AKR1C1: variants seen among roughly 807,000 people sequenced by gnomAD.
AKR1C1 encodes aldo-keto reductase family 1 member C1.
In AKR1C1, 32 loss-of-function variants were observed where a neutral mutation model predicts 40.6. The ratio of observed to expected loss-of-function variants is 0.79; its 90% CI spans 0.60 to 1.06. The LOEUF is 1.06. Among genes scored for constraint, AKR1C1 ranks in the 50% least tolerant of loss-of-function variants. The probability of loss-of-function intolerance (pLI) is 0.00; values close to 1 mark genes in which losing one functional copy is unlikely to be tolerated. For synonymous variants in AKR1C1, 105 were observed against 134.2 expected (o/e 0.78, Z 1.50); for missense variants, 320 against 363.5 (o/e 0.88, Z 0.97).
rs782181146 is a variant in AKR1C1 at position 4,972,590 on chromosome 10, C to T, written c.687C>T (p.Asp229=). Residue 229 remains aspartate (D), a synonymous_variant, in exon 7 of 9, where the codon GAC becomes GAT. Transcript: ENST00000380872. ...TTTCTGCCTTTCCTTCCAGGGTGGA[C>T]CCGAACTCCCCGGTGCTCTTGGAGG... ...LGSHREEPWV[D]PNSPVLLEDP... The T allele has an allele frequency of 4.3e-6, 7 of 1,613,792 alleles. No homozygotes were observed. Among genetic ancestry groups the T allele is most frequent in the Non-Finnish European group, 4.2e-6 (5 of 1,179,948 alleles).
chr10:4,982,869 C>T lies in AKR1C1; in HGVS notation c.*5127C>T, dbSNP rs1836641508. 1 of 422,778 alleles carries T rather than the reference C, an allele frequency of 2.4e-6. No individual in the cohort carries two copies. The highest frequency in any genetic ancestry group is 4.7e-6 in the Non-Finnish European group (1 of 210,896). The allele number at this position is 422,778 out of a possible 1,614,324, so 26.2% of individuals were successfully genotyped here. On this transcript the variant is annotated 3_prime_UTR_variant, in exon 9 of 9. Transcript: ENST00000380872. ...GCCTGCATGAGCTCAGCTGTTACCA[C>T]TGCGTACCACACCCTGACCAGTCAG... is the stretch of plus-strand genomic sequence containing the variant.
At position 4,969,662 on chromosome 10, in the gene AKR1C1, G is replaced by GT; in HGVS notation, c.570+720dup. 4 of 1,609,738 alleles carry GT rather than the reference G, an allele frequency of 2.5e-6. No homozygotes were observed. In the South Asian group the frequency reaches 4.4e-5, roughly 18 times the overall value. ...GCTTAAACACATCTATTCTCTATGT[G>GT]TTCCTTTTGTAGCCTAGAGATAATT... is the stretch of plus-strand genomic sequence containing the variant. On this transcript the variant is annotated intron_variant, in intron 5 of 8. Transcript: ENST00000380872.
At chr10:4,969,820 T>C (rs1221142517) in intron 5 of AKR1C1, 1 of 1,439,092 alleles carries the variant, frequency 6.9e-7, no homozygotes, top group East Asian at 2.5e-5. Flanking sequence ...TTGTTTTATT[T>C]TATGTTTTAA....
Position 4,968,159 on chromosome 10 carries a change from T to C in AKR1C1, c.370-150T>C. ...TCACCTGAAGACATTCCTTATACCTTCATATGTAGTACACTCTGTACATAC... is the reference window on the plus strand; with the variant it reads ...TCACCTGAAGACATTCCTTATACCTCCATATGTAGTACACTCTGTACATAC... On this transcript the variant is annotated intron_variant, in intron 3 of 8. Coordinates refer to ENST00000380872, the MANE Select transcript of AKR1C1 (RefSeq NM_001353.6). 2 of 1,125,148 alleles carry C rather than the reference T, an allele frequency of 1.8e-6. 1 individual carries two copies. Among genetic ancestry groups the C allele is most frequent in the Non-Finnish European group, 2.5e-6 (2 of 789,718 alleles). The allele number at this position is 1,125,148 out of a possible 1,614,324, so 69.7% of individuals were successfully genotyped here. A position where few individuals can be genotyped will look rare whatever the true frequency, so the allele number is the denominator to read the frequency against.
chr10:4,968,542 A>G (rs1564315746), intron 4 of AKR1C1, among the ~76,000 whole-genome samples, 156 bp downstream of exon 4: 1 of 152,154 alleles, frequency 6.6e-6, no homozygotes, highest in Non-Finnish European at 1.5e-5. Context: ...AAAAGAAATG[A>G]CAGGCATACA....
chr10:4,976,847 G>A (rs2131649314), intron 8 of AKR1C1, among the ~76,000 whole-genome samples: 1 of 152,250 alleles, frequency 6.6e-6, no homozygotes, highest in East Asian at 1.9e-4. Flanking sequence ...GATATTATTA[G>A]TAGTATTTTA....
intron 1 of AKR1C1, 96 bp from the exon 2 acceptor site, chr10:4,965,817 AG>A: frequency 7.0e-7 from 1 of 1,420,656 alleles, no homozygotes; most frequent in East Asian, 2.3e-5. Context: ...CATCCAAGAA[AG>A]GAGGAAAAGC....
chr10:4,981,583 G>GA lies in AKR1C1; in HGVS notation c.*3847dup, dbSNP rs1836616292. ...CAATGCAGAGACTTAACAGATATAT[G>GA]AAAAAATTTCACATACACTCTGAAG... On this transcript the variant is annotated 3_prime_UTR_variant, in exon 9 of 9. Transcript: ENST00000380872. 10 of 150,132 alleles carry GA rather than the reference G, an allele frequency of 6.7e-5. No individual in the cohort carries two copies. In the South Asian group the frequency reaches 2.1e-3, roughly 31 times the overall value. The allele number at this position is 150,132 out of a possible 1,614,324, so 9.3% of individuals were successfully genotyped here.
In AKR1C1 at chr10:4,983,172, G is replaced by C. The variant is rs1212366103; in HGVS notation, c.*5430G>C. ...TGAAGCAGAGCTGCCTCACTGCCCT[G>C]CACACACATGAGAGCGCAGCCAGGA... On this transcript the variant is annotated 3_prime_UTR_variant, in exon 9 of 9. Transcript: ENST00000380872. 4.6e-6 allele frequency: 1 copy of C among 215,752 alleles called. No individual in the cohort carries two copies. Among genetic ancestry groups the C allele is most frequent in the East Asian group, 1.5e-4 (1 of 6,680 alleles). 13.4% of individuals were successfully genotyped at this position (215,752 alleles called of 1,614,324 possible).
chr10:4,965,870 C>T lies in AKR1C1; in HGVS notation c.85-44C>T, dbSNP rs1344707698. ...CGCTACTTGTGCCTGAACTAACTCT[C>T]AGGCACATTAGTCAGAAAATACTAC... is the stretch of plus-strand genomic sequence containing the variant. On this transcript the variant is annotated intron_variant, in intron 1 of 8. Coordinates refer to ENST00000380872, the MANE Select transcript of AKR1C1 (RefSeq NM_001353.6). The T allele has an allele frequency of 4.4e-6, 7 of 1,585,366 alleles. No individual in the cohort carries two copies. The Admixed American group carries it at 7.4e-5, about 17-fold the overall frequency.
At chr10:4,975,524 C>T (rs1836513817) in intron 7 of AKR1C1, among the ~76,000 whole-genome samples, 2 of 152,148 alleles carry the variant, frequency 1.3e-5, no homozygotes, top group African/African-American at 4.8e-5. Context: ...CAAAATTTGC[C>T]TCTAGATTCT....
At chr10:4,971,074 G>A (rs12241237) in intron 5 of AKR1C1, among the ~76,000 whole-genome samples, 7,139 of 151,880 alleles carry the variant, frequency 0.047, 585 homozygotes, top group African/African-American at 0.16. Flanking sequence ...AACAGAAGAA[G>A]TCATATTCCC....
intron 5 of AKR1C1, among the ~76,000 whole-genome samples, chr10:4,970,752 T>C (rs1836411644): frequency 7.2e-6 from 1 of 139,830 alleles, no homozygotes; most frequent in Admixed American, 8.1e-5. Context: ...TAGGTGGGAA[T>C]TGAACAATGA....
intron 3 of AKR1C1, 109 bp downstream of exon 3, chr10:4,967,152 C>T (rs535103718): frequency 2.4e-6 from 3 of 1,227,188 alleles, no homozygotes; most frequent in African/African-American, 3.0e-5. Context: ...GGGATTATAA[C>T]ATAGAAGAAG....
rs546153006 is a variant in AKR1C1, at chr10:4,963,541, T to A, written c.84+13T>A. 1.6e-4 allele frequency: 263 copies of A among 1,604,722 alleles called. 1 individual carries two copies. In the South Asian group the frequency reaches 2.6e-3, roughly 16 times the overall value. On this transcript the variant is annotated intron_variant, in intron 1 of 8. Transcript: ENST00000380872. ...TGCGCCTGCAGAGGTAACAATAATA[T>A]TTTTAGTGTTGAGAGTTCAAAGGAG...
intron 7 of AKR1C1, among the ~76,000 whole-genome samples, chr10:4,974,683 T>C (rs1242128808): frequency 3.9e-5 from 6 of 152,138 alleles, no homozygotes; most frequent in Admixed American, 1.3e-4. Flanking sequence ...AAAGTTCATA[T>C]TTGCTCACAT....
chr10:4,982,265 A>T lies in AKR1C1; in HGVS notation c.*4523A>T, dbSNP rs1554771170. The T allele has an allele frequency of 6.6e-6, 1 of 152,176 alleles. No individual in the cohort carries two copies. Among genetic ancestry groups the T allele is most frequent in the African/African-American group, 2.4e-5 (1 of 41,414 alleles). 9.4% of individuals were successfully genotyped at this position (152,176 alleles called of 1,614,324 possible). On this transcript the variant is annotated 3_prime_UTR_variant, in exon 9 of 9. Coordinates refer to ENST00000380872, the MANE Select transcript of AKR1C1 (RefSeq NM_001353.6). Reference sequence around the variant, plus strand: ...CAGGTGTCTCACGACCTGACCTCATAAAGCCATCTAGTGGATGTTTGTGGC... The same window carrying T: ...CAGGTGTCTCACGACCTGACCTCATTAAGCCATCTAGTGGATGTTTGTGGC...
chr10:4,982,884 T>C lies in AKR1C1; in HGVS notation c.*5142T>C, dbSNP rs1173838688. On this transcript the variant is annotated 3_prime_UTR_variant, in exon 9 of 9. Coordinates refer to ENST00000380872, the MANE Select transcript of AKR1C1 (RefSeq NM_001353.6). ...GCTGTTACCACTGCGTACCACACCC[T>C]GACCAGTCAGAGGTCTTGAGTCGGT... 6.9e-6 allele frequency: 3 copies of C among 434,508 alleles called. No individual in the cohort carries two copies. The Admixed American group carries it at 7.3e-5, about 11-fold the overall frequency. 26.9% of individuals were successfully genotyped at this position (434,508 alleles called of 1,614,324 possible).
chr10:4,975,521 T>G (rs1449201024), intron 7 of AKR1C1, among the ~76,000 whole-genome samples: 3 of 152,200 alleles, frequency 2.0e-5, no homozygotes, highest in Non-Finnish European at 2.9e-5. Flanking sequence ...TTACAAAATT[T>G]GCCTCTAGAT....
Sources: allele counts gnomAD v4.1 joint callset (sites outside exome capture counted in the v4.1 genomes callset), GRCh38; gene constraint gnomAD v4.1.1; transcripts MANE v1.5; gene names NCBI Gene and HGNC (gene_info 2026-07-23, HGNC 2026-07-21).